The following KCNH7 variants were observed in gnomAD, a reference collection of about 807,000 sequenced individuals.
The protein encoded by KCNH7 is voltage-gated inwardly rectifying potassium channel KCNH7.
Under a neutral mutation model 120.8 loss-of-function variants are expected in KCNH7, and 49 were observed. The observed-to-expected ratio is 0.41, with a 90% CI of 0.32 to 0.51. KCNH7 has a LOEUF of 0.51. Among genes scored for constraint, KCNH7 ranks in the 20% least tolerant of loss-of-function variants. The probability of loss-of-function intolerance (pLI) is 0.38; values close to 1 mark genes in which losing one functional copy is unlikely to be tolerated. For synonymous variants in KCNH7, 547 were observed against 516.1 expected, an observed-to-expected ratio of 1.06 and a Z score of -0.81; for missense variants, 1,097 against 1,446.6, an observed-to-expected ratio of 0.76 and a Z score of 3.92.
intron 2 of KCNH7, among the ~76,000 whole-genome samples, chr2:162,638,707 C>G (rs1448158582): frequency 6.6e-6 from 1 of 152,078 alleles, no homozygotes; most frequent in Non-Finnish European, 1.5e-5. Context: ...CAAACATTTA[C>G]TCTCTGGCTG....
intron 6 of KCNH7, among the ~76,000 whole-genome samples, chr2:162,487,936 T>A (rs1359132969): frequency 6.6e-6 from 1 of 152,222 alleles, no homozygotes; most frequent in Non-Finnish European, 1.5e-5. Flanking sequence ...AAATGTCCTC[T>A]GCCTAATTCT....
In KCNH7 at chr2:162,727,514, G is replaced by A. The variant is rs189145687; in HGVS notation, c.307+109023C>T. Among the ~76,000 whole-genome samples the A allele has an allele frequency of 8.2e-4, 124 of 152,116 alleles. No homozygotes were observed. In the Middle Eastern group the frequency reaches 0.014, roughly 17 times the overall value. On this transcript the variant is annotated intron_variant, in intron 2 of 15. Transcript: ENST00000332142. The stretch of plus-strand genomic sequence containing the variant: ...CCCCACTCTACCCATAGTCCCAGAC[G>A]TTCATTGATGTACTTTGTTACTACA...
chr2:162,625,267 G>A (rs1026468455), intron 2 of KCNH7, among the ~76,000 whole-genome samples: 1 of 152,006 alleles, frequency 6.6e-6, no homozygotes, highest in African/African-American at 2.4e-5. Context: ...CCTATGAGCT[G>A]GGGCAATATA....
At chr2:162,440,870 A>T (rs1688394749) in intron 7 of KCNH7, among the ~76,000 whole-genome samples, 1 of 152,136 alleles carries the variant, frequency 6.6e-6, no homozygotes. Context: ...AAACAGTAGT[A>T]TGCAAATGTT....
intron 3 of KCNH7, among the ~76,000 whole-genome samples, chr2:162,536,174 A>T (rs546211291): frequency 6.6e-6 from 1 of 151,864 alleles, no homozygotes; most frequent in Non-Finnish European, 1.5e-5. Flanking sequence ...TTACCAAAAA[A>T]CCCTTTAAAT....
rs777140982 is a variant in KCNH7 at position 162,371,983 on chromosome 2, T to C, written c.3437A>G (p.Gln1146Arg). ...SEDNLTSLLK[Q>R]DSDLSLELHL... ...AAGCTCTAAAGAGAGATCACTGTCTTGTTTTAAAAGTGAAGTCAAGTTGTC... is the reference window on the plus strand; with the variant it reads ...AAGCTCTAAAGAGAGATCACTGTCTCGTTTTAAAAGTGAAGTCAAGTTGTC... The change falls in exon 16 of 16, where the codon CAA becomes CGA. Residue 1146 changes from glutamine (Q) to arginine (R), a missense_variant. Physicochemically the swap from Gln to Arg is conservative, Grantham distance 43. Transcript: ENST00000332142. 1.2e-6 allele frequency: 2 copies of C among 1,613,744 alleles called. No homozygotes were observed. Among genetic ancestry groups the C allele is most frequent in the African/African-American group, 2.7e-5 (2 of 74,914 alleles).
At chr2:162,760,486 G>A (rs147471108) in intron 2 of KCNH7, among the ~76,000 whole-genome samples, 47 of 152,016 alleles carry the variant, frequency 3.1e-4, no homozygotes, top group Admixed American at 8.5e-4. Flanking sequence ...ATAATTCTGC[G>A]TCCCCTTAAT....
intron 2 of KCNH7, among the ~76,000 whole-genome samples, chr2:162,600,974 T>C (rs1401415614): frequency 6.6e-6 from 1 of 152,058 alleles, no homozygotes; most frequent in African/African-American, 2.4e-5. Flanking sequence ...CAGGGTAAAA[T>C]ATGTTATTTA....
At chr2:162,679,329 G>T (rs148748203) in intron 2 of KCNH7, among the ~76,000 whole-genome samples, 7 of 151,594 alleles carry the variant, frequency 4.6e-5, no homozygotes, top group African/African-American at 1.7e-4. Flanking sequence ...TTTCAGGTTC[G>T]CATGAGTAGG....
At chr2:162,725,673 A>G (rs1687487043) in intron 2 of KCNH7, among the ~76,000 whole-genome samples, 1 of 152,198 alleles carries the variant, frequency 6.6e-6, no homozygotes, top group South Asian at 2.1e-4. Flanking sequence ...AATCACTCCT[A>G]TCTAGGTCTT....
At chr2:162,486,679 A>G (rs763827637) in intron 6 of KCNH7, among the ~76,000 whole-genome samples, 2 of 152,130 alleles carry the variant, frequency 1.3e-5, no homozygotes, top group Non-Finnish European at 2.9e-5. Flanking sequence ...AAAATTTCTA[A>G]CATATTCATG....
intron 6 of KCNH7, among the ~76,000 whole-genome samples, chr2:162,479,657 T>TTG (rs112491045): frequency 1.3e-4 from 19 of 146,738 alleles, no homozygotes; most frequent in South Asian, 2.2e-4. Flanking sequence ...CATTAGGAAA[T>TTG]TGTGTGTGTG....
chr2:162,544,027 G>C (rs760716739), intron 2 of KCNH7, among the ~76,000 whole-genome samples: 9 of 152,166 alleles, frequency 5.9e-5, no homozygotes, highest in Non-Finnish European at 1.2e-4. Context: ...CAGATGAGAA[G>C]GTACATCAAG....
chr2:162,494,011 A>G (rs1690412732), intron 6 of KCNH7, among the ~76,000 whole-genome samples: 2 of 152,188 alleles, frequency 1.3e-5, no homozygotes, highest in Admixed American at 6.6e-5. Flanking sequence ...AGGTTTTCTT[A>G]AGGTATTGAT....
intron 2 of KCNH7, among the ~76,000 whole-genome samples, chr2:162,661,427 A>G (rs1005691387): frequency 1.9e-4 from 29 of 152,344 alleles, no homozygotes; most frequent in Admixed American, 1.4e-3. Flanking sequence ...TTAATAAAAT[A>G]CAGTGAAAAA....
intron 2 of KCNH7, among the ~76,000 whole-genome samples, chr2:162,811,625 C>T (rs528337551): frequency 6.6e-6 from 1 of 152,062 alleles, no homozygotes; most frequent in Non-Finnish European, 1.5e-5. Flanking sequence ...TAGGGCTATT[C>T]TCAATGAGTT....
At chr2:162,638,369 C>A (rs898488706) in intron 2 of KCNH7, among the ~76,000 whole-genome samples, 1 of 151,934 alleles carries the variant, frequency 6.6e-6, no homozygotes, top group African/African-American at 2.4e-5. Flanking sequence ...AATATGAGGT[C>A]ATTTTATATG....
At chr2:162,411,069 C>T (rs1255815996) in intron 9 of KCNH7, among the ~76,000 whole-genome samples, 1 of 152,048 alleles carries the variant, frequency 6.6e-6, no homozygotes, top group African/African-American at 2.4e-5. Context: ...TAAAAGAGAA[C>T]TATTCCATTC....
At chr2:162,646,321 T>C (rs540428751) in intron 2 of KCNH7, among the ~76,000 whole-genome samples, 12 of 152,314 alleles carry the variant, frequency 7.9e-5, no homozygotes, top group Admixed American at 2.6e-4. Context: ...TCTGGTATAT[T>C]ATGCATTTCA....
Sources: gnomAD v4.1 joint callset for allele counts (sites outside exome capture counted in the v4.1 genomes callset) on GRCh38, gnomAD v4.1.1 for gene constraint, MANE v1.5 for transcripts, NCBI Gene and HGNC (gene_info 2026-07-23, HGNC 2026-07-21) for gene names.